CLEC2D: variants seen among roughly 807,000 people sequenced by gnomAD.
CLEC2D encodes C-type lectin related f.
In CLEC2D, 16 loss-of-function variants were observed where a neutral mutation model predicts 20.0. That is an observed-to-expected ratio of 0.80 (90% CI 0.54 to 1.22). The LOEUF is 1.22. Ranked by LOEUF, CLEC2D falls within the 50% of genes most tolerant of loss-of-function variation. The pLI is 0.00. For missense variants in CLEC2D, 207 were observed against 221.5 expected (o/e 0.93, Z 0.42); for synonymous variants, 77 against 71.1 (o/e 1.08, Z -0.42).
At chr12:9,678,223 T>C (rs1268527058) in intron 1 of CLEC2D, among the ~76,000 whole-genome samples, 1 of 152,206 alleles carries the variant, frequency 6.6e-6, no homozygotes, top group African/African-American at 2.4e-5. Context: ...ATGCAATGCT[T>C]TTCTTCATTC....
intron 1 of CLEC2D, among the ~76,000 whole-genome samples, chr12:9,679,042 A>C (rs1173969766): frequency 6.6e-6 from 1 of 152,208 alleles, no homozygotes; most frequent in Non-Finnish European, 1.5e-5. Context: ...TGAGTACCTT[A>C]TAATAAAAAA....
chr12:9,674,432 G>A (rs139420782), intron 1 of CLEC2D, among the ~76,000 whole-genome samples: 1 of 152,324 alleles, frequency 6.6e-6, no homozygotes, highest in African/African-American at 2.4e-5. Flanking sequence ...GGTTGCACCA[G>A]CTGCCCAATG....
In CLEC2D at chr12:9,696,819, A is replaced by G. The variant is rs1039920815; in HGVS notation, c.*1945A>G. 2.0e-5 allele frequency: 3 copies of G among 152,278 alleles called. No homozygotes were observed. Among genetic ancestry groups the G allele is most frequent in the African/African-American group, 7.2e-5 (3 of 41,556 alleles). The allele number at this position is 152,278 out of a possible 1,614,324, so 9.4% of individuals were successfully genotyped here. ...GTCATGGAGGTTCCTAAAGAAATTA[A>G]AAAGAGAACTACCATATGAGCCAGC... On this transcript the variant is annotated 3_prime_UTR_variant, in exon 5 of 5. Transcript: ENST00000290855.
Position 9,697,776 on chromosome 12 carries a change from G to A in CLEC2D, c.*2902G>A, listed in dbSNP as rs1232335396. The A allele has an allele frequency of 5.3e-5, 8 of 152,044 alleles. No homozygotes were observed. Among genetic ancestry groups the A allele is most frequent in the Non-Finnish European group, 1.0e-4 (7 of 68,006 alleles). The allele number at this position is 152,044 out of a possible 1,614,324, so 9.4% of individuals were successfully genotyped here. ...TAGAATGGTGGTTACCAGAGATGAG[G>A]AAAATACAGAGACACAGGTCAAAAG... On this transcript the variant is annotated 3_prime_UTR_variant, in exon 5 of 5. Transcript: ENST00000290855.
chr12:9,684,276 G>A (rs1012293793), intron 2 of CLEC2D, among the ~76,000 whole-genome samples: 2 of 152,140 alleles, frequency 1.3e-5, no homozygotes, highest in South Asian at 2.1e-4. Context: ...AGTTTTAAGG[G>A]GATGAGACAA....
At position 9,696,013 on chromosome 12, in the gene CLEC2D, A is replaced by T; in HGVS notation, c.*1139A>T. 6.9e-7 allele frequency: 1 copy of T among 1,453,834 alleles called. No individual in the cohort carries two copies. The highest frequency in any genetic ancestry group is 1.1e-5 in the South Asian group (1 of 88,142). 90.1% of individuals were successfully genotyped at this position (1,453,834 alleles called of 1,614,324 possible). ...AAAACCATCATCAACACCAAGATCA[A>T]AAGGACAAGAATCCTTCAAAAAACA... On this transcript the variant is annotated 3_prime_UTR_variant, in exon 5 of 5. Transcript: ENST00000290855.
chr12:9,681,865 A>G (rs1865642035), intron 2 of CLEC2D, among the ~76,000 whole-genome samples: 1 of 152,212 alleles, frequency 6.6e-6, no homozygotes, highest in Non-Finnish European at 1.5e-5. Flanking sequence ...CAGATAATAT[A>G]CTTTATACAT....
chr12:9,690,373 T>G (rs1219417878), intron 3 of CLEC2D, among the ~76,000 whole-genome samples: 1 of 152,110 alleles, frequency 6.6e-6, no homozygotes, highest in Non-Finnish European at 1.5e-5. Context: ...AGGAAACCTT[T>G]TAGGCTGAAC....
chr12:9,674,247 C>A (rs1294962821), intron 1 of CLEC2D: 1 of 152,206 alleles, frequency 6.6e-6, no homozygotes, highest in Non-Finnish European at 1.5e-5. Context: ...GTGGTGTAGG[C>A]TCATGAGGGA....
intron 2 of CLEC2D, among the ~76,000 whole-genome samples, chr12:9,681,519 C>T (rs898688638): frequency 2.6e-5 from 4 of 152,044 alleles, no homozygotes; most frequent in African/African-American, 9.7e-5. Flanking sequence ...GCCCATCTTC[C>T]TAGAAAACAA....
chr12:9,680,213 G>T, intron 1 of CLEC2D: 1 of 340,084 alleles, frequency 2.9e-6, no homozygotes, highest in South Asian at 2.4e-5. Context: ...CTGCTGCCAT[G>T]TGAAGAAGAA....
intron 1 of CLEC2D, among the ~76,000 whole-genome samples, chr12:9,673,583 T>A (rs1461207173): frequency 6.6e-6 from 1 of 152,234 alleles, no homozygotes; most frequent in Non-Finnish European, 1.5e-5. Flanking sequence ...TTAGCAGAGC[T>A]GGTGTGCTGT....
chr12:9,692,969 A>G (rs764546380), intron 4 of CLEC2D, 38 bp downstream of exon 4: 3 of 1,597,426 alleles, frequency 1.9e-6, no homozygotes, highest in Non-Finnish European at 2.6e-6. Flanking sequence ...TTTGTATTTG[A>G]ATTTACTTTG....
At chr12:9,677,686 G>T (rs1024208401) in intron 1 of CLEC2D, among the ~76,000 whole-genome samples, 1 of 147,518 alleles carries the variant, frequency 6.8e-6, no homozygotes, top group Non-Finnish European at 1.5e-5. Context: ...CTGCCTGCTG[G>T]ATCTGGGCAT....
At chr12:9,681,278 G>A (rs1028854337) in intron 2 of CLEC2D, among the ~76,000 whole-genome samples, 1 of 151,942 alleles carries the variant, frequency 6.6e-6, no homozygotes, top group African/African-American at 2.4e-5. Context: ...TATTCCTTAA[G>A]AATATTGATG....
intron 1 of CLEC2D, among the ~76,000 whole-genome samples, chr12:9,676,240 C>A (rs961333967): frequency 2.6e-5 from 4 of 152,130 alleles, no homozygotes; most frequent in African/African-American, 9.7e-5. Context: ...AGTGGGAAAA[C>A]TTCAAGTTTC....
intron 2 of CLEC2D, among the ~76,000 whole-genome samples, chr12:9,683,458 C>T (rs1865688017): frequency 6.7e-6 from 1 of 149,278 alleles, no homozygotes; most frequent in African/African-American, 2.5e-5. Context: ...ATGCCTGTGT[C>T]CTGAATGGTA....
At chr12:9,671,479 C>T (rs900864487) in intron 1 of CLEC2D, among the ~76,000 whole-genome samples, 1 of 152,112 alleles carries the variant, frequency 6.6e-6, no homozygotes. Flanking sequence ...CTCGGCCTCC[C>T]AAACTGCTGG....
At chr12:9,682,168 T>C (rs751220764) in intron 2 of CLEC2D, among the ~76,000 whole-genome samples, 21 of 152,324 alleles carry the variant, frequency 1.4e-4, no homozygotes, top group African/African-American at 4.3e-4. Flanking sequence ...GGAGCCATCT[T>C]CTAATCTGGT....
Sources: allele counts gnomAD v4.1 joint callset (sites outside exome capture counted in the v4.1 genomes callset), GRCh38; gene constraint gnomAD v4.1.1; transcripts MANE v1.5; gene names NCBI Gene and HGNC (gene_info 2026-07-23, HGNC 2026-07-21).